CTTNBP2: variants seen among roughly 807,000 people sequenced by gnomAD.
The protein encoded by CTTNBP2 is cortactin binding protein 2, also known as cortactin-binding protein 2.
In CTTNBP2, 108 loss-of-function variants were observed where a neutral mutation model predicts 156.9. That is an observed-to-expected ratio of 0.69 (90% CI 0.59 to 0.81). The LOEUF is 0.81. Ranked by LOEUF, CTTNBP2 falls within the 30% of genes least tolerant of loss-of-function variation. CTTNBP2 has a pLI of 0.00. For missense variants in CTTNBP2, 1,924 were observed against 2,035.4 expected (o/e 0.95, Z 1.05); for synonymous variants, 767 against 751.8 (o/e 1.02, Z -0.33).
intron 2 of CTTNBP2, among the ~76,000 whole-genome samples, chr7:117,820,157 G>A (rs1800868927): frequency 6.6e-6 from 1 of 152,236 alleles, no homozygotes; most frequent in Non-Finnish European, 1.5e-5. Context: ...ACTAGGTCAA[G>A]AATGGTATAC....
At chr7:117,785,720 T>C (rs1363386239) in intron 4 of CTTNBP2, among the ~76,000 whole-genome samples, 1 of 152,234 alleles carries the variant, frequency 6.6e-6, no homozygotes, top group Non-Finnish European at 1.5e-5. Context: ...ATTTTTAAAA[T>C]GTTTTGTAAC....
intron 4 of CTTNBP2, chr7:117,786,401 TG>T (rs1034194802): frequency 4.5e-6 from 2 of 441,624 alleles, no homozygotes; most frequent in Admixed American, 2.6e-5. Context: ...GGCTCCTCTC[TG>T]GTACATTTTA....
intron 1 of CTTNBP2, among the ~76,000 whole-genome samples, chr7:117,867,741 A>C (rs1482299514): frequency 6.6e-6 from 1 of 152,202 alleles, no homozygotes; most frequent in Non-Finnish European, 1.5e-5. Flanking sequence ...AAACTAGGGA[A>C]GCTGCTTGAT....
chr7:117,717,862 T>C (rs573712041), intron 22 of CTTNBP2, among the ~76,000 whole-genome samples, 156 bp downstream of exon 22: 1 of 152,322 alleles, frequency 6.6e-6, no homozygotes, highest in African/African-American at 2.4e-5. Context: ...AAGTACTCTT[T>C]CTAAAACCTA....
intron 17 of CTTNBP2, among the ~76,000 whole-genome samples, chr7:117,727,661 T>C (rs1479605760): frequency 1.3e-5 from 2 of 152,230 alleles, no homozygotes; most frequent in African/African-American, 2.4e-5. Context: ...ATTAACCTTA[T>C]TGTATATATG....
chr7:117,781,041 TGTGCCTTCTCTATAAAAGGC>T (rs1255954737), intron 6 of CTTNBP2, among the ~76,000 whole-genome samples: 1 of 152,260 alleles, frequency 6.6e-6, no homozygotes, highest in African/African-American at 2.4e-5. Flanking sequence ...CAGGGCACCA[TGTGCCTTCTCTATAAAAGGC>T]AGCAGAAAGG....
intron 3 of CTTNBP2, among the ~76,000 whole-genome samples, chr7:117,796,463 A>G (rs896817102): frequency 1.3e-5 from 2 of 152,190 alleles, no homozygotes; most frequent in Non-Finnish European, 2.9e-5. Context: ...TGACCATTTC[A>G]GCTCAGAGAC....
At chr7:117,853,686 T>C (rs1343001966) in intron 2 of CTTNBP2, among the ~76,000 whole-genome samples, 2 of 152,190 alleles carry the variant, frequency 1.3e-5, no homozygotes, top group African/African-American at 4.8e-5. Context: ...TTTCATTCTA[T>C]TTGTAACCCT....
chr7:117,867,027 T>C (rs1037998238), intron 1 of CTTNBP2, among the ~76,000 whole-genome samples: 1 of 152,228 alleles, frequency 6.6e-6, no homozygotes, highest in African/African-American at 2.4e-5. Context: ...ATCACTGACA[T>C]GCAAAATATT....
chr7:117,751,690 C>CAGA (rs1350025190), intron 12 of CTTNBP2, among the ~76,000 whole-genome samples: 1 of 152,136 alleles, frequency 6.6e-6, no homozygotes, highest in Non-Finnish European at 1.5e-5. Flanking sequence ...AATTACAGTT[C>CAGA]ACATACATAG....
intron 1 of CTTNBP2, among the ~76,000 whole-genome samples, chr7:117,870,160 A>G (rs1804483017): frequency 1.3e-5 from 2 of 152,150 alleles, no homozygotes; most frequent in South Asian, 2.1e-4. Context: ...ATCATCCCCA[A>G]TTTGATTCCT....
Position 117,818,424 on chromosome 7 carries a change from A to G in CTTNBP2, c.190-7435T>C, listed in dbSNP as rs1800753916. On this transcript the variant is annotated intron_variant, in intron 2 of 22. Coordinates refer to ENST00000160373, the MANE Select transcript of CTTNBP2 (RefSeq NM_033427.3). ...ATACAAAAAGCCACAGCGGATGGCA[A>G]AATGTTGAGTCAACTCTGACAAGAT... 2.6e-5 allele frequency among the ~76,000 whole-genome samples: 4 copies of G among 152,184 alleles called. No homozygotes were observed. The South Asian group carries it at 8.3e-4, about 32-fold the overall frequency.
chr7:117,719,913 C>T (rs1406164333), intron 20 of CTTNBP2, among the ~76,000 whole-genome samples: 2 of 152,126 alleles, frequency 1.3e-5, no homozygotes, highest in African/African-American at 4.8e-5. Flanking sequence ...TCTTGTCTCC[C>T]AGGCCAGATA....
intron 4 of CTTNBP2, among the ~76,000 whole-genome samples, chr7:117,788,687 A>G (rs1798832964): frequency 6.6e-6 from 1 of 152,192 alleles, no homozygotes; most frequent in Non-Finnish European, 1.5e-5. Context: ...GATCAGCTGA[A>G]CTACATTTAT....
intron 20 of CTTNBP2, 116 bp from the exon 21 acceptor site, chr7:117,719,752 C>A: frequency 1.4e-6 from 1 of 709,444 alleles, no homozygotes; most frequent in East Asian, 2.8e-5. Flanking sequence ...TTTTTAATAG[C>A]CTTTAAAGTA....
intron 4 of CTTNBP2, among the ~76,000 whole-genome samples, chr7:117,788,830 C>T (rs983723928): frequency 1.2e-4 from 19 of 152,170 alleles, no homozygotes; most frequent in Non-Finnish European, 1.9e-4. Flanking sequence ...TAATAAGCCA[C>T]ATCTTCTAAG....
chr7:117,773,648 AACACAC>A (rs71528190), intron 8 of CTTNBP2, among the ~76,000 whole-genome samples: 6,761 of 95,010 alleles, frequency 0.071, 266 homozygotes, highest in South Asian at 0.14. Flanking sequence ...GCTTAGAGTT[AACACAC>A]ACACACACAC....
intron 3 of CTTNBP2, chr7:117,793,451 C>T (rs34242801): frequency 0.016 from 2,435 of 152,444 alleles, 22 homozygotes; most frequent in South Asian, 0.031. Flanking sequence ...CCCTTAGCTT[C>T]GCTGGATGCC....
In CTTNBP2 at chr7:117,784,386, G is replaced by T; in HGVS notation, c.2137C>A (p.Leu713Ile). Reference sequence around the variant, plus strand: ...CCCTGGGCAGCAGCTTGCTGAAGAAGGGTGGGCCTGCCAGCCAGGGGGGCA... The same window carrying T: ...CCCTGGGCAGCAGCTTGCTGAAGAATGGTGGGCCTGCCAGCCAGGGGGGCA... ...GPAPLAGRPT[L>I]LQQAAAQGNV... The change falls in exon 5 of 23, where the codon CTT (leucine) becomes ATT (isoleucine). Residue 713 changes from leucine (L) to isoleucine (I), a missense_variant. Leu to Ile is a conservative substitution (Grantham distance 5). Transcript: ENST00000160373. The T allele has an allele frequency of 2.5e-6, 4 of 1,613,558 alleles. No individual in the cohort carries two copies. Among genetic ancestry groups the T allele is most frequent in the Non-Finnish European group, 3.4e-6 (4 of 1,179,862 alleles).
Sources: allele counts gnomAD v4.1 joint callset (sites outside exome capture counted in the v4.1 genomes callset), GRCh38; gene constraint gnomAD v4.1.1; transcripts MANE v1.5; gene names NCBI Gene and HGNC (gene_info 2026-07-23, HGNC 2026-07-21).